Variants in RALYL observed in about 807,000 individuals in gnomAD.
RALYL encodes RALY RNA binding protein like.
A neutral mutation model predicts 35.1 loss-of-function variants in RALYL; 29 were observed. The ratio of observed to expected loss-of-function variants is 0.83; its 90% CI spans 0.61 to 1.13. The LOEUF (loss-of-function observed/expected upper bound fraction) is 1.13, where lower values mean the gene tolerates loss of function less well. Ranked by LOEUF, RALYL falls within the 50% of genes most tolerant of loss-of-function variation. RALYL has a pLI of 0.00. For synonymous variants in RALYL, 120 were observed against 127.6 expected (o/e 0.94, Z 0.40); for missense variants, 359 against 360.4 (o/e 1.00, Z 0.03).
intron 1 of RALYL, among the ~76,000 whole-genome samples, chr8:84,480,523 A>G (rs1326031626): frequency 6.6e-6 from 1 of 152,210 alleles, no homozygotes; most frequent in East Asian, 1.9e-4. Context: ...AATTGGATAG[A>G]GCAAGAAAAA....
At chr8:84,252,574 A>G (rs1830407647) in intron 1 of RALYL, among the ~76,000 whole-genome samples, 1 of 152,120 alleles carries the variant, frequency 6.6e-6, no homozygotes, top group African/African-American at 2.4e-5. Flanking sequence ...TAGAAAAAAG[A>G]AATGACAACA....
intron 1 of RALYL, among the ~76,000 whole-genome samples, chr8:84,296,987 A>G (rs1344437270): frequency 4.6e-5 from 7 of 151,836 alleles, no homozygotes; most frequent in African/African-American, 1.7e-4. Context: ...CCTGGAAGAA[A>G]CTGAAAGACT....
chr8:84,435,023 C>G (rs1221709379), intron 1 of RALYL, among the ~76,000 whole-genome samples: 1 of 152,122 alleles, frequency 6.6e-6, no homozygotes, highest in African/African-American at 2.4e-5. Context: ...GACATGACCT[C>G]TTCAATTGCT....
intron 2 of RALYL, among the ~76,000 whole-genome samples, chr8:84,765,976 T>C (rs1408771990): frequency 1.3e-5 from 2 of 152,198 alleles, no homozygotes; most frequent in Non-Finnish European, 2.9e-5. Flanking sequence ...ACCATTTCCA[T>C]ATCAAAGTTA....
intron 1 of RALYL, among the ~76,000 whole-genome samples, chr8:84,523,769 G>T (rs13275430): frequency 0.35 from 52,120 of 147,924 alleles, 8,597 homozygotes; most frequent in South Asian, 0.5. Context: ...TGCGGTGTTT[G>T]GTTTTTTGTT....
chr8:84,709,786 C>A (rs111743839), intron 2 of RALYL, among the ~76,000 whole-genome samples: 1 of 151,964 alleles, frequency 6.6e-6, no homozygotes, highest in Non-Finnish European at 1.5e-5. Flanking sequence ...GTCAGCCAGG[C>A]GCAGTGTCTC....
chr8:84,612,352 C>T (rs1818491676), intron 2 of RALYL, among the ~76,000 whole-genome samples: 1 of 151,962 alleles, frequency 6.6e-6, no homozygotes, highest in African/African-American at 2.4e-5. Flanking sequence ...ATCATAAAGT[C>T]ACATCAGGAG....
chr8:84,418,922 T>G (rs761312213), intron 1 of RALYL, among the ~76,000 whole-genome samples: 3 of 152,122 alleles, frequency 2.0e-5, no homozygotes, highest in African/African-American at 7.2e-5. Flanking sequence ...CCATCTTAAG[T>G]AGGCCTCCCA....
chr8:84,657,611 A>G (rs1830194614), intron 2 of RALYL, among the ~76,000 whole-genome samples: 1 of 152,196 alleles, frequency 6.6e-6, no homozygotes, highest in African/African-American at 2.4e-5. Context: ...ACAAGATAAA[A>G]CTTTGGTGGA....
intron 1 of RALYL, among the ~76,000 whole-genome samples, chr8:84,289,775 C>T (rs1838402470): frequency 6.6e-6 from 1 of 152,068 alleles, no homozygotes; most frequent in African/African-American, 2.4e-5. Flanking sequence ...AAGTTTTCTA[C>T]ATTTTTTTAT....
chr8:84,832,610 A>G (rs1831152141), intron 4 of RALYL, among the ~76,000 whole-genome samples: 1 of 152,210 alleles, frequency 6.6e-6, no homozygotes, highest in Non-Finnish European at 1.5e-5. Context: ...AAAGTGAGCC[A>G]GATTTAGGGT....
chr8:84,564,693 A>G (rs2061668982), intron 2 of RALYL, among the ~76,000 whole-genome samples: 1 of 151,648 alleles, frequency 6.6e-6, no homozygotes, highest in African/African-American at 2.4e-5. Flanking sequence ...AAAGGCTTCT[A>G]AAATTATTGT....
At chr8:84,404,802 G>A (rs1247300878) in intron 1 of RALYL, among the ~76,000 whole-genome samples, 1 of 152,118 alleles carries the variant, frequency 6.6e-6, no homozygotes, top group African/African-American at 2.4e-5. Context: ...GTCTGGTCCA[G>A]AAGTTTTTTT....
intron 1 of RALYL, among the ~76,000 whole-genome samples, chr8:84,220,521 T>G (rs1189114537): frequency 6.6e-6 from 1 of 152,030 alleles, no homozygotes; most frequent in Non-Finnish European, 1.5e-5. Flanking sequence ...TAAATACTTT[T>G]ATTGAAGATT....
chr8:84,682,877 C>G (rs190453552), intron 2 of RALYL, among the ~76,000 whole-genome samples: 1 of 152,018 alleles, frequency 6.6e-6, no homozygotes, highest in African/African-American at 2.4e-5. Flanking sequence ...TTCTTGCCTT[C>G]TGCTAGCTTT....
chr8:84,679,320 G>A (rs1479842672), intron 2 of RALYL: 1 of 256,218 alleles, frequency 3.9e-6, no homozygotes, highest in Middle Eastern at 1.5e-3. Flanking sequence ...CAGTGATGTT[G>A]TTGGCTGTAG....
intron 4 of RALYL, among the ~76,000 whole-genome samples, chr8:84,845,318 A>G (rs1163796808): frequency 6.6e-6 from 1 of 151,986 alleles, no homozygotes; most frequent in Non-Finnish European, 1.5e-5. Flanking sequence ...ATTAGCAACC[A>G]TTCCCTTTTC....
chr8:84,287,114 C>G (rs1837769424), intron 1 of RALYL, among the ~76,000 whole-genome samples: 1 of 152,130 alleles, frequency 6.6e-6, no homozygotes. Flanking sequence ...CCTGGAATTT[C>G]CTTTGGAGGA....
intron 1 of RALYL, among the ~76,000 whole-genome samples, chr8:84,187,515 G>T (rs886402172): frequency 5.3e-5 from 8 of 152,124 alleles, no homozygotes; most frequent in African/African-American, 1.9e-4. Flanking sequence ...AGGGGGAAAA[G>T]TTCCAAACAT....
Sources: gnomAD v4.1 joint callset for allele counts (sites outside exome capture counted in the v4.1 genomes callset) on GRCh38, gnomAD v4.1.1 for gene constraint, MANE v1.5 for transcripts, NCBI Gene and HGNC (gene_info 2026-07-23, HGNC 2026-07-21) for gene names.